Variants in MAP3K9 observed in about 807,000 individuals in gnomAD.
The protein encoded by MAP3K9 is mixed lineage kinase 1 (tyr and ser/thr specificity).
MAP3K9 carries 46 observed loss-of-function variants against 95.8 expected under a neutral mutation model. That is an observed-to-expected ratio of 0.48 (90% CI 0.38 to 0.61). The LOEUF (loss-of-function observed/expected upper bound fraction) is 0.61. Among genes scored for constraint, MAP3K9 ranks in the 20% least tolerant of loss-of-function variants. The pLI, the probability that MAP3K9 is intolerant of heterozygous loss-of-function variation, is 0.00. For synonymous variants in MAP3K9, 533 were observed against 593.8 expected (o/e 0.90, Z 1.49); for missense variants, 1,296 against 1,474.3 (o/e 0.88, Z 1.98).
intron 2 of MAP3K9, among the ~76,000 whole-genome samples, chr14:70,794,336 G>C (rs1388556095): frequency 6.6e-6 from 1 of 152,216 alleles, no homozygotes; most frequent in Admixed American, 6.5e-5. Context: ...GAAACCCAAA[G>C]AAGGTACAGG....
intron 2 of MAP3K9, among the ~76,000 whole-genome samples, chr14:70,777,838 C>T (rs1244142886): frequency 1.3e-5 from 2 of 152,176 alleles, no homozygotes; most frequent in Admixed American, 1.3e-4. Context: ...CATCCAAGAC[C>T]AGAATTATAA....
intron 2 of MAP3K9, among the ~76,000 whole-genome samples, chr14:70,779,098 T>A (rs2054639593): frequency 6.6e-6 from 1 of 152,130 alleles, no homozygotes; most frequent in African/African-American, 2.4e-5. Flanking sequence ...GGCCTTGACA[T>A]ATCTAAGAAA....
chr14:70,768,655 G>A (rs1396536873), intron 2 of MAP3K9, among the ~76,000 whole-genome samples: 1 of 152,086 alleles, frequency 6.6e-6, no homozygotes, highest in Admixed American at 6.5e-5. Flanking sequence ...AGGAGAAATC[G>A]GGGGTGTCTT....
intron 2 of MAP3K9, among the ~76,000 whole-genome samples, chr14:70,793,086 C>T (rs960593627): frequency 6.6e-6 from 1 of 152,134 alleles, no homozygotes; most frequent in South Asian, 2.1e-4. Flanking sequence ...ACAGGCAGTC[C>T]CCAAGTTGGG....
In MAP3K9 at chr14:70,755,140, G is replaced by T. The variant is rs181865455; in HGVS notation, c.1002-5059C>A. Among the ~76,000 whole-genome samples, 698 of 152,320 alleles carry T rather than the reference G, an allele frequency of 4.6e-3. 3 individuals are homozygous for T. The highest frequency in any genetic ancestry group is 0.016 in the African/African-American group (672 of 41,556). ...ATGAGTTCCAGGAGGGTTGAGGTGT[G>T]GGGCACTCAGACTCAGCCAGTACCT... On this transcript the variant is annotated intron_variant, in intron 3 of 11. Coordinates refer to ENST00000554752, the MANE Select transcript of MAP3K9 (RefSeq NM_001284230.2).
At position 70,730,062 on chromosome 14, in the gene MAP3K9, T is replaced by G; in HGVS notation, c.*318A>C. On this transcript the variant is annotated 3_prime_UTR_variant, in exon 12 of 12. Transcript: ENST00000554752. ...TGAGGAGAGGGAGCAGCAGACAGATTTGGCTGAGTGACTCTGCAGGGTCAC... is the reference window on the plus strand; with the variant it reads ...TGAGGAGAGGGAGCAGCAGACAGATGTGGCTGAGTGACTCTGCAGGGTCAC... 3.3e-6 allele frequency: 1 copy of G among 303,354 alleles called. No individual in the cohort carries two copies. The allele number at this position is 303,354 out of a possible 1,614,324, so 18.8% of individuals were successfully genotyped here. A position where few individuals can be genotyped will look rare whatever the true frequency, so the allele number is the denominator to read the frequency against.
intron 2 of MAP3K9, among the ~76,000 whole-genome samples, chr14:70,766,145 CATTT>C (rs2054452231): frequency 6.6e-6 from 1 of 152,038 alleles, no homozygotes; most frequent in Non-Finnish European, 1.5e-5. Flanking sequence ...AGAAAAAGCC[CATTT>C]GAAGAAGCCA....
At chr14:70,782,077 A>C (rs1028572771) in intron 2 of MAP3K9, among the ~76,000 whole-genome samples, 7 of 152,056 alleles carry the variant, frequency 4.6e-5, no homozygotes, top group Non-Finnish European at 7.4e-5. Context: ...TTGAGGCCTA[A>C]TTGTTCCATC....
intron 2 of MAP3K9, among the ~76,000 whole-genome samples, chr14:70,780,195 C>T (rs2054655616): frequency 6.6e-6 from 1 of 152,206 alleles, no homozygotes; most frequent in South Asian, 2.1e-4. Context: ...ACCAGGCTTC[C>T]TCATAATGTG....
chr14:70,766,783 AGG>A (rs1423869080), intron 2 of MAP3K9, among the ~76,000 whole-genome samples: 6 of 152,192 alleles, frequency 3.9e-5, no homozygotes, highest in African/African-American at 1.4e-4. Flanking sequence ...TGCCGTACAG[AGG>A]CCAGAAAGAA....
intron 5 of MAP3K9, 32 bp downstream of exon 5, chr14:70,748,797 C>A (rs375619521): frequency 8.3e-6 from 13 of 1,567,502 alleles, no homozygotes; most frequent in African/African-American, 1.4e-5. Flanking sequence ...TCTTTTCGTT[C>A]GTTTTTTTGT....
intron 10 of MAP3K9, chr14:70,733,729 G>A: frequency 1.4e-6 from 1 of 718,454 alleles, no homozygotes; most frequent in Non-Finnish European, 2.6e-6. Flanking sequence ...TAAGATGGGA[G>A]TCAGGGGGCA....
chr14:70,735,609 C>T lies in MAP3K9; in HGVS notation c.1913+352G>A, dbSNP rs147690817. On this transcript the variant is annotated intron_variant, in intron 9 of 11. Transcript: ENST00000554752. ...GCCTGGGGCTTCCTACTGAGACTCTCGTAACATCACTTCCAGCTCTGGATC... is the reference window on the plus strand; with the variant it reads ...GCCTGGGGCTTCCTACTGAGACTCTTGTAACATCACTTCCAGCTCTGGATC... Among the ~76,000 whole-genome samples the T allele has an allele frequency of 8.7e-3, 1,319 of 152,246 alleles. 16 individuals carry two copies. The highest frequency in any genetic ancestry group is 0.017 in the Middle Eastern group (5 of 294).
chr14:70,743,397 G>T (rs939228961), intron 5 of MAP3K9, among the ~76,000 whole-genome samples: 11 of 152,090 alleles, frequency 7.2e-5, no homozygotes, highest in African/African-American at 2.2e-4. Flanking sequence ...CACAGCAAAA[G>T]AAACTATCAT....
intron 5 of MAP3K9, among the ~76,000 whole-genome samples, chr14:70,748,476 T>C (rs181981387): frequency 6.6e-6 from 1 of 152,382 alleles, no homozygotes; most frequent in East Asian, 1.9e-4. Flanking sequence ...AAGGATGTTC[T>C]GATAACTATC....
rs2053765980 is a variant in MAP3K9 at position 70,722,530 on chromosome 14, C to CGTTTGTTGTG, written c.*7849_*7850insCACAACAAAC. The CGTTTGTTGTG allele has an allele frequency of 6.6e-6, 1 of 152,038 alleles. No homozygotes were observed. Among genetic ancestry groups the CGTTTGTTGTG allele is most frequent in the Admixed American group, 6.6e-5 (1 of 15,260 alleles). The allele number at this position is 152,038 out of a possible 1,614,324, so 9.4% of individuals were successfully genotyped here. On this transcript the variant is annotated 3_prime_UTR_variant, in exon 12 of 12. Coordinates refer to ENST00000554752, the MANE Select transcript of MAP3K9 (RefSeq NM_001284230.2). ...AGAACCACAACAAACCAGAGGTAATCGTTATAACAGTTTTATTCAAGTCTC... is the reference window on the plus strand; with the variant it reads ...AGAACCACAACAAACCAGAGGTAATCGTTTGTTGTGGTTATAACAGTTTTATTCAAGTCTC...
intron 2 of MAP3K9, among the ~76,000 whole-genome samples, chr14:70,766,198 A>G (rs892978457): frequency 1.6e-4 from 25 of 152,128 alleles, no homozygotes; most frequent in African/African-American, 5.6e-4. Flanking sequence ...GTTCACTGTA[A>G]CAAGAGTCAG....
intron 1 of MAP3K9, among the ~76,000 whole-genome samples, chr14:70,802,483 C>T (rs554584195): frequency 1.3e-5 from 2 of 152,282 alleles, no homozygotes; most frequent in South Asian, 2.1e-4. Flanking sequence ...GATTATAAAG[C>T]GAGCTACATG....
intron 2 of MAP3K9, among the ~76,000 whole-genome samples, chr14:70,768,689 G>C (rs2054490835): frequency 1.3e-5 from 2 of 152,136 alleles, no homozygotes; most frequent in African/African-American, 4.8e-5. Flanking sequence ...TTGTGAATCT[G>C]ACCTAATATC....
Sources: allele counts gnomAD v4.1 joint callset (sites outside exome capture counted in the v4.1 genomes callset), GRCh38; gene constraint gnomAD v4.1.1; transcripts MANE v1.5; gene names NCBI Gene and HGNC (gene_info 2026-07-23, HGNC 2026-07-21).